Variants in PLCL2 observed in about 807,000 individuals in gnomAD.
PLCL2 encodes inactive phospholipase C-like protein 2.
A neutral mutation model predicts 79.6 loss-of-function variants in PLCL2; 4 were observed. The ratio of observed to expected loss-of-function variants is 0.05; its 90% CI spans 0.02 to 0.11. PLCL2 has a LOEUF of 0.11. Ranked by LOEUF, PLCL2 falls within the 10% of genes least tolerant of loss-of-function variation. PLCL2 has a pLI of 1.00. For missense variants in PLCL2, 895 were observed against 1,291.0 expected (o/e 0.69, Z 4.70); for synonymous variants, 484 against 457.7 (o/e 1.06, Z -0.73).
At chr3:17,061,237 G>A (rs1367513895) in intron 4 of PLCL2, among the ~76,000 whole-genome samples, 1 of 152,082 alleles carries the variant, frequency 6.6e-6, no homozygotes, top group Non-Finnish European at 1.5e-5. Context: ...TTCTGACTTG[G>A]CCCTCACTTC....
chr3:17,037,770 G>T lies in PLCL2; in HGVS notation c.3019-5104G>T, dbSNP rs4684308. ...CAAAATCTGTGTTCTTAAGATGAAG[G>T]GCAATTCAGTGAATTGTCTGAAATC... On this transcript the variant is annotated intron_variant, in intron 3 of 5. Coordinates refer to ENST00000615277, the MANE Select transcript of PLCL2 (RefSeq NM_001144382.2). 7.7e-4 allele frequency among the ~76,000 whole-genome samples: 117 copies of T among 152,100 alleles called. 1 individual carries two copies. Among genetic ancestry groups the T allele is most frequent in the Non-Finnish European group, 1.5e-3 (102 of 67,980 alleles).
chr3:16,889,423 T>G (rs1696297618), intron 1 of PLCL2, among the ~76,000 whole-genome samples: 1 of 152,214 alleles, frequency 6.6e-6, no homozygotes, highest in Admixed American at 6.5e-5. Flanking sequence ...GAATCTCTGT[T>G]TCTGCTGGTG....
chr3:16,947,749 G>A (rs1051704427), intron 1 of PLCL2, among the ~76,000 whole-genome samples: 2 of 152,092 alleles, frequency 1.3e-5, no homozygotes, highest in Non-Finnish European at 2.9e-5. Flanking sequence ...TTTCCAGAAA[G>A]CCCTTTCATT....
At chr3:16,998,147 T>C (rs985722798) in intron 1 of PLCL2, among the ~76,000 whole-genome samples, 2 of 152,004 alleles carry the variant, frequency 1.3e-5, no homozygotes, top group African/African-American at 4.8e-5. Context: ...TTGCATTTTT[T>C]CCCTCAACCC....
intron 1 of PLCL2, among the ~76,000 whole-genome samples, chr3:16,955,180 A>C (rs1294517363): frequency 2.0e-5 from 3 of 152,224 alleles, no homozygotes; most frequent in African/African-American, 7.2e-5. Flanking sequence ...TAAGTCTTTA[A>C]TCCATCTTGA....
intron 1 of PLCL2, among the ~76,000 whole-genome samples, chr3:16,981,952 T>C (rs537295557): frequency 1.8e-4 from 27 of 152,356 alleles, no homozygotes; most frequent in Non-Finnish European, 3.4e-4. Flanking sequence ...CATCTTAAAT[T>C]ATCCTCTTTT....
chr3:16,887,265 G>A lies in PLCL2; in HGVS notation c.327+1899G>A, dbSNP rs1437152022. Among the ~76,000 whole-genome samples, 1 of 152,168 alleles carries A rather than the reference G, an allele frequency of 6.6e-6. No homozygotes were observed. The highest frequency in any genetic ancestry group is 2.4e-5 in the African/African-American group (1 of 41,464). ...GTCATTTTTCTTCTTTGTAAAGAAA[G>A]CATTTGGCTTCTTGTTCACCAGTGT... is the stretch of plus-strand genomic sequence containing the variant. On this transcript the variant is annotated intron_variant, in intron 1 of 5. Coordinates refer to ENST00000615277, the MANE Select transcript of PLCL2 (RefSeq NM_001144382.2). The surrounding 1 kb of genome is among the most constrained non-coding windows in gnomAD (Gnocchi z 4.1).
chr3:17,030,035 C>G (rs947701468), intron 3 of PLCL2, among the ~76,000 whole-genome samples: 1 of 152,112 alleles, frequency 6.6e-6, no homozygotes, highest in African/African-American at 2.4e-5. Context: ...CAGATGAGCC[C>G]CTGCTAATGA....
At chr3:16,980,472 C>T (rs1404621672) in intron 1 of PLCL2, among the ~76,000 whole-genome samples, 1 of 150,582 alleles carries the variant, frequency 6.6e-6, no homozygotes, top group Non-Finnish European at 1.5e-5. Flanking sequence ...GGCGGCCGGG[C>T]AGAGACGCTC....
chr3:17,041,122 C>T (rs1341226043), intron 3 of PLCL2, among the ~76,000 whole-genome samples: 2 of 152,142 alleles, frequency 1.3e-5, no homozygotes, highest in African/African-American at 2.4e-5. Context: ...ATGGTACAAA[C>T]GACTTTATAT....
At chr3:16,993,865 A>G (rs1012624379) in intron 1 of PLCL2, among the ~76,000 whole-genome samples, 8 of 152,216 alleles carry the variant, frequency 5.3e-5, no homozygotes, top group African/African-American at 1.9e-4. Context: ...TTTATAGTCT[A>G]TATAAAATGG....
chr3:16,945,123 T>G (rs905093749), intron 1 of PLCL2, among the ~76,000 whole-genome samples: 1 of 152,036 alleles, frequency 6.6e-6, no homozygotes, highest in Non-Finnish European at 1.5e-5. Context: ...CCTGGAACAC[T>G]CTTCCTGCAG....
At chr3:17,043,160 G>A (rs186801274) in intron 4 of PLCL2, among the ~76,000 whole-genome samples, 4 of 152,318 alleles carry the variant, frequency 2.6e-5, no homozygotes, top group Admixed American at 2.6e-4. Context: ...ACATTGGTCT[G>A]AGGTATGGGG....
At chr3:17,025,020 G>A (rs113209407) in intron 3 of PLCL2, among the ~76,000 whole-genome samples, 109 of 152,328 alleles carry the variant, frequency 7.2e-4, no homozygotes, top group Middle Eastern at 6.8e-3. Context: ...CCCTATTGGA[G>A]GGCACGGGAT....
At chr3:17,088,648 TG>T (rs1303228528) in intron 5 of PLCL2, among the ~76,000 whole-genome samples, 14 of 152,186 alleles carry the variant, frequency 9.2e-5, no homozygotes. Flanking sequence ...GGTTTTCAAC[TG>T]GGGGTAGCTC....
At chr3:16,917,616 G>A (rs1432138301) in intron 1 of PLCL2, among the ~76,000 whole-genome samples, 1 of 152,152 alleles carries the variant, frequency 6.6e-6, no homozygotes. Flanking sequence ...CAGCCAGAGT[G>A]TCTATGTGTA....
chr3:16,912,247 A>T (rs952218159), intron 1 of PLCL2, among the ~76,000 whole-genome samples: 1 of 151,160 alleles, frequency 6.6e-6, no homozygotes, highest in Non-Finnish European at 1.5e-5. Context: ...TTTTTTTTTT[A>T]AATAGCCAAA....
intron 1 of PLCL2, among the ~76,000 whole-genome samples, chr3:16,969,251 C>T (rs933522587): frequency 9.9e-5 from 15 of 152,074 alleles, no homozygotes; most frequent in Admixed American, 9.2e-4. Context: ...ATGATGCTGG[C>T]CTCATAGAAT....
intron 4 of PLCL2, 41 bp from the exon 5 acceptor site, chr3:17,067,915 G>A: frequency 9.2e-7 from 1 of 1,086,692 alleles, no homozygotes; most frequent in Non-Finnish European, 1.4e-6. Context: ...ACCACAGATT[G>A]GATGGGAGTT....
Sources: allele counts gnomAD v4.1 joint callset (sites outside exome capture counted in the v4.1 genomes callset), GRCh38; gene constraint gnomAD v4.1.1; non-coding constraint Gnocchi (gnomAD v3.1); transcripts MANE v1.5; gene names NCBI Gene and HGNC (gene_info 2026-07-23, HGNC 2026-07-21).